The following AOPEP variants were observed in gnomAD, a reference collection of about 807,000 sequenced individuals.
The protein encoded by AOPEP is aminopeptidase O (putative).
In AOPEP, 77 loss-of-function variants were observed where a neutral mutation model predicts 98.1. That is an observed-to-expected ratio of 0.78 (90% CI 0.65 to 0.95). AOPEP has a LOEUF of 0.95. Among genes scored for constraint, AOPEP ranks in the 40% least tolerant of loss-of-function variants. The pLI is 0.00. For synonymous variants in AOPEP, 346 were observed against 365.3 expected (o/e 0.95, Z 0.60); for missense variants, 1,024 against 1,024.7 (o/e 1.00, Z 0.01).
rs3802450 is a variant in AOPEP at position 95,063,460 on chromosome 9, C to T, written c.2232+2650C>T. The stretch of plus-strand genomic sequence containing the variant: ...TCAGATCTCCGCAGACTCCACTGAG[C>T]GCTTTTAGATCTCCGCAGACTCCAC... On this transcript the variant is annotated intron_variant, in intron 14 of 16. Coordinates refer to ENST00000375315, the MANE Select transcript of AOPEP (RefSeq NM_001193329.3). Among the ~76,000 whole-genome samples, 476 of 152,014 alleles carry T rather than the reference C, an allele frequency of 3.1e-3. 13 individuals are homozygous for T. In the South Asian group the frequency reaches 0.047, roughly 15 times the overall value.
chr9:95,140,518 A>G, the AOPEP span, among the ~76,000 whole-genome samples: 1 of 152,208 alleles, frequency 6.6e-6, no homozygotes, highest in Non-Finnish European at 1.5e-5. Flanking sequence ...GCAGAATTAA[A>G]TTCTTCACAA....
At chr9:94,828,796 AAC>A (rs1025286886) in intron 5 of AOPEP, among the ~76,000 whole-genome samples, 23 of 151,386 alleles carry the variant, frequency 1.5e-4, no homozygotes, top group African/African-American at 4.8e-4. Context: ...TTATATAATA[AAC>A]ACATTATTTA....
At chr9:94,804,969 C>T (rs559976372) in intron 5 of AOPEP, among the ~76,000 whole-genome samples, 8 of 152,248 alleles carry the variant, frequency 5.3e-5, no homozygotes, top group Admixed American at 3.9e-4. Flanking sequence ...GTCCACAGGC[C>T]TCAAGGTGGG....
chr9:95,040,644 G>A (rs2065207862), intron 13 of AOPEP, among the ~76,000 whole-genome samples: 1 of 152,172 alleles, frequency 6.6e-6, no homozygotes, highest in Non-Finnish European at 1.5e-5. Flanking sequence ...CTGACCAGGT[G>A]CCCCCAGGAC....
rs577349172 is a variant in AOPEP, at chr9:94,945,325, A to G, written c.1662-9852A>G. Among the ~76,000 whole-genome samples the G allele has an allele frequency of 9.2e-5, 14 of 152,308 alleles. No individual in the cohort carries two copies. In the East Asian group the frequency reaches 2.7e-3, roughly 29 times the overall value. Reference sequence around the variant, plus strand: ...TTTTAACTGCTGTGAGTATTCCCAGATATGAATGTTCCGTTACTAACCATC... The same window carrying G: ...TTTTAACTGCTGTGAGTATTCCCAGGTATGAATGTTCCGTTACTAACCATC... On this transcript the variant is annotated intron_variant, in intron 7 of 16. Transcript: ENST00000375315.
chr9:95,045,792 C>T (rs1193327510), intron 13 of AOPEP, among the ~76,000 whole-genome samples: 1 of 152,216 alleles, frequency 6.6e-6, no homozygotes, highest in Non-Finnish European at 1.5e-5. Flanking sequence ...TAACGTAGCT[C>T]CCCTAACCCT....
At chr9:94,953,732 CTGA>C (rs1484888150) in intron 7 of AOPEP, among the ~76,000 whole-genome samples, 1 of 152,132 alleles carries the variant, frequency 6.6e-6, no homozygotes, top group Non-Finnish European at 1.5e-5. Flanking sequence ...CCTTGCTTTT[CTGA>C]TGCACCAACC....
chr9:94,984,224 G>C (rs939606858), intron 11 of AOPEP, among the ~76,000 whole-genome samples: 5 of 151,878 alleles, frequency 3.3e-5, no homozygotes. Context: ...TAATAGAGAC[G>C]GGGTTTCACC....
At chr9:95,096,563 C>G in the AOPEP span, among the ~76,000 whole-genome samples, 1 of 152,186 alleles carries the variant, frequency 6.6e-6, no homozygotes, top group African/African-American at 2.4e-5. Context: ...CAGGTGTGGT[C>G]CCTCTGCCTA....
chr9:95,148,990 A>G, the AOPEP span, among the ~76,000 whole-genome samples: 1 of 152,238 alleles, frequency 6.6e-6, no homozygotes, highest in South Asian at 2.1e-4. Flanking sequence ...ACGTCCCACC[A>G]GAAGCAGATA....
intron 5 of AOPEP, among the ~76,000 whole-genome samples, chr9:94,875,356 A>AAAAAAAAAAAAAAAAAAAAAAG (rs2046818810): frequency 6.7e-6 from 1 of 149,128 alleles, no homozygotes; most frequent in African/African-American, 2.5e-5. Flanking sequence ...AGAAAAAAAA[A>AAAAAAAAAAAAAAAAAAAAAAG]AAAAAAAAAA....
intron 5 of AOPEP, among the ~76,000 whole-genome samples, chr9:94,848,494 A>G (rs1453605197): frequency 6.7e-6 from 1 of 148,900 alleles, no homozygotes; most frequent in East Asian, 2.0e-4. Context: ...ATGGTGGTGC[A>G]TGCTGTAGTC....
chr9:94,790,956 G>A (rs567029695), intron 3 of AOPEP, among the ~76,000 whole-genome samples: 10 of 152,168 alleles, frequency 6.6e-5, no homozygotes, highest in African/African-American at 2.4e-4. Flanking sequence ...AATAGCTCCT[G>A]TAAAGGAGTT....
At chr9:95,034,732 A>T (rs1013093967) in intron 13 of AOPEP, among the ~76,000 whole-genome samples, 2 of 152,156 alleles carry the variant, frequency 1.3e-5, no homozygotes, top group African/African-American at 4.8e-5. Flanking sequence ...CTTAATTCTG[A>T]TCAACTGACA....
At chr9:95,123,788 G>C in the AOPEP span, 1 of 699,256 alleles carries the variant, frequency 1.4e-6, no homozygotes, top group East Asian at 2.7e-5. Context: ...TCGATCTTGT[G>C]AAGCCCACAA....
chr9:94,984,234 C>T (rs55932459), intron 11 of AOPEP, among the ~76,000 whole-genome samples: 7,075 of 152,030 alleles, frequency 0.047, 458 homozygotes, highest in African/African-American at 0.14. Context: ...GGGGTTTCAC[C>T]GTGTTAGGAT....
At chr9:94,819,946 C>CT (rs11423201) in intron 5 of AOPEP, among the ~76,000 whole-genome samples, 60,342 of 120,760 alleles carry the variant, frequency 0.5, 15,981 homozygotes, top group African/African-American at 0.55. Context: ...TAGTGCAATT[C>CT]TTTTTTTTTT....
chr9:94,917,147 G>A (rs952349140), intron 5 of AOPEP, among the ~76,000 whole-genome samples: 1 of 152,140 alleles, frequency 6.6e-6, no homozygotes, highest in Admixed American at 6.5e-5. Context: ...GCCCTGTTCC[G>A]TATGCAGGGC....
intron 5 of AOPEP, among the ~76,000 whole-genome samples, chr9:94,872,813 G>A (rs970545084): frequency 3.9e-5 from 6 of 152,210 alleles, no homozygotes; most frequent in Admixed American, 2.6e-4. Flanking sequence ...CAGCCATTAA[G>A]TGCAATCATT....
Sources: allele counts gnomAD v4.1 joint callset (sites outside exome capture counted in the v4.1 genomes callset), GRCh38; gene constraint gnomAD v4.1.1; transcripts MANE v1.5; gene names NCBI Gene and HGNC (gene_info 2026-07-23, HGNC 2026-07-21).